NFIB: variants seen among roughly 807,000 people sequenced by gnomAD.
The protein encoded by NFIB is nuclear factor 1 B-type.
NFIB carries 11 observed loss-of-function variants against 61.5 expected under a neutral mutation model. The observed-to-expected ratio is 0.18, with a 90% CI of 0.11 to 0.30. NFIB has a LOEUF of 0.30. Among genes scored for constraint, NFIB ranks in the 10% least tolerant of loss-of-function variants. The probability of loss-of-function intolerance (pLI) is 1.00; values close to 1 mark genes in which losing one functional copy is unlikely to be tolerated. For synonymous variants in NFIB, 260 were observed against 216.5 expected, an observed-to-expected ratio of 1.20 and a Z score of -1.76; for missense variants, 471 against 608.9, an observed-to-expected ratio of 0.77 and a Z score of 2.38.
At chr9:14,441,282 T>C in the NFIB span, among the ~76,000 whole-genome samples, 19 of 152,282 alleles carry the variant, frequency 1.2e-4, no homozygotes, top group African/African-American at 4.3e-4. Context: ...AACCAAGACA[T>C]TGCCAAAAGT....
chr9:14,397,785 T>G (rs1038734577), intron 1 of NFIB, among the ~76,000 whole-genome samples: 43 of 152,192 alleles, frequency 2.8e-4, no homozygotes, highest in African/African-American at 1.0e-3. Context: ...TTAAGGTATG[T>G]TAATAAGGAA....
chr9:14,355,247 G>C (rs1336926486), intron 1 of NFIB, among the ~76,000 whole-genome samples: 2 of 152,130 alleles, frequency 1.3e-5, no homozygotes, highest in Non-Finnish European at 2.9e-5. Flanking sequence ...AGTATGACTG[G>C]TGGAGTCCCT....
chr9:14,419,838 C>CAATCCATA, the NFIB span, among the ~76,000 whole-genome samples: 2 of 152,220 alleles, frequency 1.3e-5, no homozygotes, highest in Admixed American at 1.3e-4. Context: ...ATGAGGCGAA[C>CAATCCATA]AATCCATATT....
the NFIB span, among the ~76,000 whole-genome samples, chr9:14,416,565 T>C: frequency 6.6e-6 from 1 of 151,770 alleles, no homozygotes; most frequent in Non-Finnish European, 1.5e-5. Context: ...TACAGAATAA[T>C]AATATAAAGA....
At chr9:14,155,077 CA>C (rs1174134952) in intron 4 of NFIB, among the ~76,000 whole-genome samples, 2 of 152,096 alleles carry the variant, frequency 1.3e-5, no homozygotes, top group Non-Finnish European at 2.9e-5. Flanking sequence ...TTCAAAGTTA[CA>C]TAAATAAGCT....
At chr9:14,459,248 C>CA in the NFIB span, among the ~76,000 whole-genome samples, 1 of 152,106 alleles carries the variant, frequency 6.6e-6, no homozygotes, top group Non-Finnish European at 1.5e-5. Flanking sequence ...ACAAACCTGC[C>CA]AAAAACAAGA....
At chr9:14,417,266 T>C in the NFIB span, among the ~76,000 whole-genome samples, 1 of 152,220 alleles carries the variant, frequency 6.6e-6, no homozygotes, top group South Asian at 2.1e-4. Flanking sequence ...ATACTTACCA[T>C]TGTGTTATAA....
chr9:14,374,869 C>T (rs2061399630), intron 1 of NFIB, among the ~76,000 whole-genome samples: 1 of 152,016 alleles, frequency 6.6e-6, no homozygotes, highest in Admixed American at 6.6e-5. Context: ...AAGATTGCGC[C>T]ACTGCACTCC....
the NFIB span, among the ~76,000 whole-genome samples, chr9:14,419,446 G>A: frequency 6.6e-6 from 1 of 152,032 alleles, no homozygotes; most frequent in African/African-American, 2.4e-5. Context: ...CCACAGACAG[G>A]GCCCACTTCA....
At chr9:14,410,438 G>A in the NFIB span, among the ~76,000 whole-genome samples, 1 of 152,146 alleles carries the variant, frequency 6.6e-6, no homozygotes, top group Non-Finnish European at 1.5e-5. Flanking sequence ...AATGCAAAGG[G>A]CAGAGTAAAC....
rs1028409497 is a variant in NFIB at position 14,087,242 on chromosome 9, T to C, written c.*1067A>G. The C allele has an allele frequency of 2.5e-5, 5 of 203,590 alleles. No individual in the cohort carries two copies. The highest frequency in any genetic ancestry group is 1.1e-4 in the African/African-American group (5 of 43,624). 12.6% of individuals were successfully genotyped at this position (203,590 alleles called of 1,614,324 possible). The stretch of plus-strand genomic sequence containing the variant: ...CTAAACCAACATAAGTGCTGTGTTT[T>C]CATTAATTTTATTTTTCTCAAGCAC... On this transcript the variant is annotated 3_prime_UTR_variant, in exon 11 of 11. Transcript: ENST00000380953.
At chr9:14,249,242 T>C (rs1164124012) in intron 2 of NFIB, among the ~76,000 whole-genome samples, 1 of 152,246 alleles carries the variant, frequency 6.6e-6, no homozygotes, top group African/African-American at 2.4e-5. Flanking sequence ...TTATTATCTC[T>C]GCTTTACTGA....
intron 2 of NFIB, among the ~76,000 whole-genome samples, chr9:14,211,473 C>T (rs1269830888): frequency 6.6e-6 from 1 of 152,178 alleles, no homozygotes; most frequent in Non-Finnish European, 1.5e-5. Context: ...TTTAAAATGA[C>T]ACTGTGCTGA....
intron 1 of NFIB, among the ~76,000 whole-genome samples, chr9:14,334,576 C>T (rs1001111158): frequency 6.6e-6 from 1 of 152,106 alleles, no homozygotes; most frequent in African/African-American, 2.4e-5. Context: ...ATACTCTACA[C>T]GTGAGTCCTT....
At chr9:14,090,732 C>T (rs1182374748) in intron 10 of NFIB, among the ~76,000 whole-genome samples, 2 of 151,984 alleles carry the variant, frequency 1.3e-5, no homozygotes, top group Middle Eastern at 3.2e-3. Context: ...CAGCAAATTG[C>T]TTTGCAAAAT....
chr9:14,501,579 G>A, the NFIB span, among the ~76,000 whole-genome samples: 1 of 152,162 alleles, frequency 6.6e-6, no homozygotes, highest in Non-Finnish European at 1.5e-5. Flanking sequence ...GTGTCACAGG[G>A]TAATCAATAG....
chr9:14,492,559 C>T, the NFIB span, among the ~76,000 whole-genome samples: 5 of 151,964 alleles, frequency 3.3e-5, no homozygotes, highest in East Asian at 7.8e-4. Context: ...TTCACATGGC[C>T]AGAGCAGGAA....
At chr9:14,348,948 C>T (rs769041487) in intron 1 of NFIB, among the ~76,000 whole-genome samples, 1 of 152,246 alleles carries the variant, frequency 6.6e-6, no homozygotes, top group Non-Finnish European at 1.5e-5. Flanking sequence ...CTCCCGCCCC[C>T]ACCTTGCGCT....
intron 2 of NFIB, among the ~76,000 whole-genome samples, chr9:14,186,389 G>A (rs2047337495): frequency 6.6e-6 from 1 of 151,970 alleles, no homozygotes; most frequent in South Asian, 2.1e-4. Context: ...TTTTTTTAAG[G>A]CTCAGAACAG....
Sources: gnomAD v4.1 joint callset for allele counts (sites outside exome capture counted in the v4.1 genomes callset) on GRCh38, gnomAD v4.1.1 for gene constraint, MANE v1.5 for transcripts, NCBI Gene and HGNC (gene_info 2026-07-23, HGNC 2026-07-21) for gene names.